The following COG5 variants were observed in gnomAD, a reference collection of about 807,000 sequenced individuals.
COG5 encodes conserved oligomeric Golgi complex subunit 5.
COG5 carries 86 observed loss-of-function variants against 110.4 expected under a neutral mutation model. The ratio of observed to expected loss-of-function variants is 0.78; its 90% confidence interval spans 0.65 to 0.93. The LOEUF (loss-of-function observed/expected upper bound fraction) is 0.93. COG5 is among the 40% of genes least tolerant of loss of function. The probability of loss-of-function intolerance (pLI) is 0.00; values close to 1 mark genes in which losing one functional copy is unlikely to be tolerated. For synonymous variants in COG5, 360 were observed against 334.6 expected, an observed-to-expected ratio of 1.08 and a Z score of -0.83; for missense variants, 1,077 against 987.0, an observed-to-expected ratio of 1.09 and a Z score of -1.22.
At chr7:107,394,025 A>G (rs1790810068) in intron 7 of COG5, among the ~76,000 whole-genome samples, 1 of 151,784 alleles carries the variant, frequency 6.6e-6, no homozygotes, top group East Asian at 1.9e-4. Context: ...GCAGTGGCAC[A>G]ATCTCAGCTC....
chr7:107,324,162 G>A (rs1281096459), intron 11 of COG5, among the ~76,000 whole-genome samples: 1 of 152,058 alleles, frequency 6.6e-6, no homozygotes, highest in East Asian at 1.9e-4. Context: ...GAAAAATTCA[G>A]ACAGAGTTCT....
intron 6 of COG5, among the ~76,000 whole-genome samples, chr7:107,506,326 G>C (rs1305904724): frequency 1.3e-5 from 2 of 152,164 alleles, no homozygotes; most frequent in African/African-American, 4.8e-5. Context: ...CTCAGGAATG[G>C]GCAGGGCCAT....
In COG5 at chr7:107,471,840, A is replaced by G. The variant is rs1004882596; in HGVS notation, c.538+55397T>C. 5 of 152,126 alleles carry G rather than the reference A, an allele frequency of 3.3e-5. No homozygotes were observed. The South Asian group carries it at 8.3e-4, about 25-fold the overall frequency. The allele number at this position is 152,126 out of a possible 1,614,324, so 9.4% of individuals were successfully genotyped here. A position where few individuals can be genotyped will look rare whatever the true frequency, so the allele number is the denominator to read the frequency against. Reference sequence around the variant, plus strand: ...TTCTATCTGACTTTTATGACCAATTATGTATCCTCTTCTAATGAAAACAAA... The same window carrying G: ...TTCTATCTGACTTTTATGACCAATTGTGTATCCTCTTCTAATGAAAACAAA... On this transcript the variant is annotated intron_variant, in intron 6 of 21. Coordinates refer to ENST00000297135, the MANE Select transcript of COG5 (RefSeq NM_006348.5).
chr7:107,455,276 G>A (rs1417047915), intron 6 of COG5, among the ~76,000 whole-genome samples: 3 of 152,072 alleles, frequency 2.0e-5, no homozygotes, highest in African/African-American at 7.2e-5. Context: ...CCACAAAGTG[G>A]GTTTAGGCTT....
chr7:107,524,707 TATTAAATCACACATC>T (rs1800598424), intron 6 of COG5, among the ~76,000 whole-genome samples: 1 of 152,184 alleles, frequency 6.6e-6, no homozygotes, highest in Non-Finnish European at 1.5e-5. Context: ...TCTTTGCAAA[TATTAAATCACACATC>T]ATCTGCAAGG....
At chr7:107,374,736 A>G (rs1814481871) in intron 7 of COG5, among the ~76,000 whole-genome samples, 1 of 152,078 alleles carries the variant, frequency 6.6e-6, no homozygotes, top group Admixed American at 6.5e-5. Flanking sequence ...AGCATTATTT[A>G]TAATACAATT....
intron 6 of COG5, among the ~76,000 whole-genome samples, chr7:107,479,112 T>C (rs1041434640): frequency 3.3e-5 from 5 of 152,032 alleles, no homozygotes; most frequent in African/African-American, 1.2e-4. Context: ...GAGGTAGATG[T>C]GGTAAATACT....
chr7:107,203,894 T>G (rs757371565), intron 21 of COG5, among the ~76,000 whole-genome samples: 2 of 152,180 alleles, frequency 1.3e-5, no homozygotes, highest in Non-Finnish European at 2.9e-5. Context: ...CTCGGAGTCC[T>G]CTGGCTGTGT....
At chr7:107,497,526 G>A (rs984107083) in intron 6 of COG5, among the ~76,000 whole-genome samples, 4 of 151,996 alleles carry the variant, frequency 2.6e-5, no homozygotes, top group African/African-American at 9.7e-5. Flanking sequence ...AAGATATTAA[G>A]AAAACAATCT....
Position 107,324,601 on chromosome 7 carries a change from T to G in COG5, c.1027-80A>C, listed in dbSNP as rs139358574. 5.7e-6 allele frequency: 4 copies of G among 699,866 alleles called. No individual in the cohort carries two copies. In the East Asian group the frequency reaches 1.1e-4, roughly 20 times the overall value. The allele number at this position is 699,866 out of a possible 1,614,324, so 43.4% of individuals were successfully genotyped here. A position where few individuals can be genotyped will look rare whatever the true frequency, so the allele number is the denominator to read the frequency against. Reference sequence around the variant, plus strand: ...AAATCATAATGGGTAACACGTAACCTTGAAAAGTTATTTAAAATTTAAATA... The same window carrying G: ...AAATCATAATGGGTAACACGTAACCGTGAAAAGTTATTTAAAATTTAAATA... On this transcript the variant is annotated intron_variant, in intron 10 of 21. Transcript: ENST00000297135.
rs993199427 is a variant in COG5 at position 107,563,901 on chromosome 7, G to C, written c.-5C>G. 2 of 1,613,540 alleles carry C rather than the reference G, an allele frequency of 1.2e-6. No homozygotes were observed. The highest frequency in any genetic ancestry group is 2.7e-5 in the African/African-American group (2 of 74,940). The stretch of plus-strand genomic sequence containing the variant: ...GCTGCCGCCGCCACCTTCCATGTTG[G>C]CAGGTGCCGGGTTGATGTCGTCAGC... On this transcript the variant is annotated 5_prime_UTR_variant, in exon 1 of 22. Coordinates refer to ENST00000297135, the MANE Select transcript of COG5 (RefSeq NM_006348.5).
intron 1 of COG5, among the ~76,000 whole-genome samples, chr7:107,561,357 T>A (rs1803759901): frequency 1.3e-5 from 2 of 152,124 alleles, no homozygotes; most frequent in Non-Finnish European, 2.9e-5. Context: ...TCAGGAATGT[T>A]GGGGGTGGAG....
intron 6 of COG5, chr7:107,475,210 A>G: frequency 6.2e-7 from 1 of 1,612,034 alleles, no homozygotes; most frequent in Non-Finnish European, 8.5e-7. Flanking sequence ...TAAAATGAAA[A>G]AGCGAGTTGT....
chr7:107,281,594 C>T (rs951426071), intron 13 of COG5, among the ~76,000 whole-genome samples, 195 bp from the exon 14 acceptor site: 3 of 152,088 alleles, frequency 2.0e-5, no homozygotes, highest in Non-Finnish European at 4.4e-5. Flanking sequence ...GAGATGGCTT[C>T]CTTAATGACC....
At chr7:107,437,350 C>T (rs1794428957) in intron 6 of COG5, among the ~76,000 whole-genome samples, 1 of 152,124 alleles carries the variant, frequency 6.6e-6, no homozygotes, top group South Asian at 2.1e-4. Context: ...TAGCATAGCC[C>T]TTTGGCATCA....
intron 7 of COG5, among the ~76,000 whole-genome samples, chr7:107,381,876 T>A (rs1055436844): frequency 3.9e-5 from 6 of 152,220 alleles, no homozygotes; most frequent in Non-Finnish European, 7.3e-5. Context: ...GGGTAAGGTA[T>A]ACCCCCCGTG....
intron 10 of COG5, among the ~76,000 whole-genome samples, chr7:107,337,816 A>G (rs1213413933): frequency 6.6e-6 from 1 of 152,178 alleles, no homozygotes; most frequent in Non-Finnish European, 1.5e-5. Flanking sequence ...ATGTTCCCAC[A>G]TGGAAATAGG....
intron 6 of COG5, among the ~76,000 whole-genome samples, chr7:107,427,580 G>C (rs984356268): frequency 1.3e-5 from 2 of 151,962 alleles, no homozygotes; most frequent in Non-Finnish European, 2.9e-5. Flanking sequence ...GTTGACACTG[G>C]ATTTTTCTCG....
At chr7:107,354,003 G>A (rs1812404328) in intron 10 of COG5, among the ~76,000 whole-genome samples, 1 of 152,224 alleles carries the variant, frequency 6.6e-6, no homozygotes, top group African/African-American at 2.4e-5. Flanking sequence ...AAGTTTTAAA[G>A]TAAACCCAAA....
Sources: gnomAD v4.1 joint callset for allele counts (sites outside exome capture counted in the v4.1 genomes callset) on GRCh38, gnomAD v4.1.1 for gene constraint, MANE v1.5 for transcripts, NCBI Gene and HGNC (gene_info 2026-07-23, HGNC 2026-07-21) for gene names.